The following SPECC1 variants were observed in gnomAD, a reference collection of about 807,000 sequenced individuals.
SPECC1 encodes cytospin-B.
Under a neutral mutation model 104.1 loss-of-function variants are expected in SPECC1, and 62 were observed. The observed-to-expected ratio is 0.60, with a 90% confidence interval of 0.49 to 0.74. The LOEUF (loss-of-function observed/expected upper bound fraction) is 0.74, where lower values mean the gene tolerates loss of function less well. SPECC1 is among the 30% of genes least tolerant of loss of function. The pLI is 0.00. For missense variants in SPECC1, 1,306 were observed against 1,310.5 expected, an observed-to-expected ratio of 1.00 and a Z score of 0.05; for synonymous variants, 513 against 501.6, an observed-to-expected ratio of 1.02 and a Z score of -0.30.
At chr17:20,185,558 C>A (rs576273171) in intron 3 of SPECC1, among the ~76,000 whole-genome samples, 1 of 152,174 alleles carries the variant, frequency 6.6e-6, no homozygotes, top group Non-Finnish European at 1.5e-5. Context: ...CCAAGCTCTT[C>A]CCAAATTCCT....
chr17:20,227,502 A>G lies in SPECC1; in HGVS notation c.1953A>G (p.Ala651=). ...CCAGCCTAAAGCTGCAAGAAAAAGC[A>G]TCAGAGAGTGATGCAGAGATCAAAG... The part of the protein sequence containing the change: ...SRTSLKLQEK[A]SESDAEIKDM... Residue 651 remains alanine (A), a synonymous_variant, in exon 5 of 15, where the codon GCA becomes GCG. Transcript: ENST00000395527. The G allele has an allele frequency of 1.9e-6, 3 of 1,613,786 alleles. No individual in the cohort carries two copies. Among genetic ancestry groups the G allele is most frequent in the South Asian group, 1.1e-5 (1 of 91,024 alleles).
chr17:20,201,270 G>A (rs957067149), intron 3 of SPECC1, among the ~76,000 whole-genome samples: 12 of 151,626 alleles, frequency 7.9e-5, no homozygotes, highest in African/African-American at 2.2e-4. Context: ...GACCAGCCTG[G>A]CCAACATGGT....
chr17:20,143,728 C>T (rs1021339690), intron 3 of SPECC1, among the ~76,000 whole-genome samples: 2 of 152,062 alleles, frequency 1.3e-5, no homozygotes, highest in Non-Finnish European at 2.9e-5. Flanking sequence ...TCTCTTTCAG[C>T]GGTGGTACCT....
intron 3 of SPECC1, among the ~76,000 whole-genome samples, chr17:20,123,047 G>T (rs1308509902): frequency 6.6e-6 from 1 of 152,190 alleles, no homozygotes; most frequent in Non-Finnish European, 1.5e-5. Flanking sequence ...TTGGTGTAGG[G>T]TAAGATTTCT....
At chr17:20,199,339 G>T (rs755368089) in intron 3 of SPECC1, among the ~76,000 whole-genome samples, 1 of 148,338 alleles carries the variant, frequency 6.7e-6, no homozygotes, top group South Asian at 2.1e-4. Flanking sequence ...CACCTGCCTC[G>T]GCCTCCCAAA....
chr17:20,298,232 A>C (rs1324148188), intron 13 of SPECC1, among the ~76,000 whole-genome samples: 3 of 152,152 alleles, frequency 2.0e-5, no homozygotes, highest in African/African-American at 7.2e-5. Flanking sequence ...CACACCTGTA[A>C]TCCCAGCTAC....
At chr17:20,091,459 C>A (rs2047396772) in intron 1 of SPECC1, among the ~76,000 whole-genome samples, 1 of 152,134 alleles carries the variant, frequency 6.6e-6, no homozygotes, top group Admixed American at 6.5e-5. Flanking sequence ...AGGCCAGATG[C>A]TTCCTTGTTG....
At chr17:20,303,347 T>G (rs2041654732) in intron 13 of SPECC1, among the ~76,000 whole-genome samples, 1 of 152,186 alleles carries the variant, frequency 6.6e-6, no homozygotes, top group Non-Finnish European at 1.5e-5. Context: ...AGTGTGCAGT[T>G]TCCAGCCCAT....
chr17:20,281,946 G>C (rs2040783963), intron 12 of SPECC1, among the ~76,000 whole-genome samples: 1 of 152,236 alleles, frequency 6.6e-6, no homozygotes, highest in African/African-American at 2.4e-5. Context: ...AGGAAGAACT[G>C]GGAGGCCCCT....
At chr17:20,308,614 AC>A (rs2041841838) in intron 14 of SPECC1, among the ~76,000 whole-genome samples, 1 of 152,220 alleles carries the variant, frequency 6.6e-6, no homozygotes, top group African/African-American at 2.4e-5. Flanking sequence ...TAAAACTTTA[AC>A]CATTGAAGAG....
At chr17:20,184,211 A>G (rs913576163) in intron 3 of SPECC1, among the ~76,000 whole-genome samples, 1 of 144,176 alleles carries the variant, frequency 6.9e-6, no homozygotes, top group Admixed American at 6.8e-5. Flanking sequence ...AAAGATGTAG[A>G]GGTAAGAAAT....
rs73984565 is a variant in SPECC1, at chr17:20,070,371, C to A, written c.-21-26260C>A. On this transcript the variant is annotated intron_variant, in intron 1 of 14. Transcript: ENST00000395527. ...CTTTTTCTGCATCTATCGAGATGAT[C>A]ATGTGGTTTTGTCCTTTATTCTATT... Among the ~76,000 whole-genome samples, 509 of 152,198 alleles carry A rather than the reference C, an allele frequency of 3.3e-3. 5 individuals carry two copies. Among genetic ancestry groups the A allele is most frequent in the African/African-American group, 0.012 (491 of 41,534 alleles).
At chr17:20,149,570 C>A (rs1226560651) in intron 3 of SPECC1, among the ~76,000 whole-genome samples, 2 of 152,256 alleles carry the variant, frequency 1.3e-5, no homozygotes, top group Non-Finnish European at 2.9e-5. Context: ...AATGACTACA[C>A]TGGGGGGAAA....
At chr17:20,290,984 A>C (rs893859378) in intron 12 of SPECC1, among the ~76,000 whole-genome samples, 5 of 152,310 alleles carry the variant, frequency 3.3e-5, no homozygotes, top group African/African-American at 1.2e-4. Context: ...TGTGTATATA[A>C]TGTTCTCATG....
Position 20,317,259 on chromosome 17 carries a change from A to ATTTTTT in SPECC1, c.*3210_*3215dup, listed in dbSNP as rs762643888. 320 of 69,654 alleles carry ATTTTTT rather than the reference A, an allele frequency of 4.6e-3. 39 individuals are homozygous for ATTTTTT. Among genetic ancestry groups the ATTTTTT allele is most frequent in the African/African-American group, 0.018 (231 of 12,862 alleles). 4.3% of individuals were successfully genotyped at this position (69,654 alleles called of 1,614,324 possible). The stretch of plus-strand genomic sequence containing the variant: ...GCAAGACCTCTGACTCTATAAAAAA[A>ATTTTTT]TTTTTTTTTTTTTTTTTTTTTGAGA... On this transcript the variant is annotated 3_prime_UTR_variant, in exon 15 of 15. Coordinates refer to ENST00000395527, the MANE Select transcript of SPECC1 (RefSeq NM_001243439.2).
At position 20,311,378 on chromosome 17, in the gene SPECC1, TTTTTTG is replaced by T. The variant is rs532559442; in HGVS notation, c.3118-2573_3118-2568del. On this transcript the variant is annotated intron_variant, in intron 14 of 14. Coordinates refer to ENST00000395527, the MANE Select transcript of SPECC1 (RefSeq NM_001243439.2). ...CTAGCTAGAACTTCCAGTACATTTTTTTTTTGTTTTTGTTTTTGTTTTTGTTTTTGA... is the reference window on the plus strand; with the variant it reads ...CTAGCTAGAACTTCCAGTACATTTTTTTTTTGTTTTTGTTTTTGTTTTTGA... 3.2e-4 allele frequency among the ~76,000 whole-genome samples: 48 copies of T among 151,808 alleles called. 1 individual carries two copies. Among genetic ancestry groups the T allele is most frequent in the East Asian group, 3.9e-4 (2 of 5,088 alleles).
In SPECC1 at chr17:20,271,481, A is replaced by G. The variant is rs118055956; in HGVS notation, c.2940+11187A>G. On this transcript the variant is annotated intron_variant, in intron 12 of 14. Coordinates refer to ENST00000395527, the MANE Select transcript of SPECC1 (RefSeq NM_001243439.2). ...ACTGCTGCAGCTTTTTCTTTTACACAACCTGTTACTTGCCTTACACTTAAA... is the reference window on the plus strand; with the variant it reads ...ACTGCTGCAGCTTTTTCTTTTACACGACCTGTTACTTGCCTTACACTTAAA... Among the ~76,000 whole-genome samples the G allele has an allele frequency of 9.7e-3, 1,474 of 152,120 alleles. 29 individuals carry two copies. The highest frequency in any genetic ancestry group is 0.085 in the East Asian group (439 of 5,182).
At chr17:20,212,458 A>G (rs2037216124) in intron 4 of SPECC1, among the ~76,000 whole-genome samples, 1 of 152,208 alleles carries the variant, frequency 6.6e-6, no homozygotes, top group East Asian at 1.9e-4. Context: ...GGAAGGTGAA[A>G]GGCACATCTC....
chr17:20,215,126 C>T (rs1363971343), intron 4 of SPECC1, among the ~76,000 whole-genome samples: 1 of 152,248 alleles, frequency 6.6e-6, no homozygotes, highest in Non-Finnish European at 1.5e-5. Context: ...TCCTCCAAGG[C>T]CGGGGCCTCG....
Sources: gnomAD v4.1 joint callset for allele counts (sites outside exome capture counted in the v4.1 genomes callset) on GRCh38, gnomAD v4.1.1 for gene constraint, MANE v1.5 for transcripts, NCBI Gene and HGNC (gene_info 2026-07-23, HGNC 2026-07-21) for gene names.